Variants in ZNF723 observed in about 807,000 individuals in gnomAD.
ZNF723 encodes zinc finger protein 723, also known as zinc finger protein 723, pseudogene.
Under a neutral mutation model 9.4 loss-of-function variants are expected in ZNF723, and 5 were observed. The observed-to-expected ratio is 0.53, with a 90% CI of 0.28 to 1.12. The LOEUF (loss-of-function observed/expected upper bound fraction) is 1.12, where lower values mean the gene tolerates loss of function less well. Ranked by LOEUF, ZNF723 falls within the 50% of genes most tolerant of loss-of-function variation. The probability of loss-of-function intolerance (pLI) is 0.10; values close to 1 mark genes in which losing one functional copy is unlikely to be tolerated. For missense variants in ZNF723, 450 were observed against 501.5 expected (o/e 0.90, Z 0.98); for synonymous variants, 158 against 168.8 (o/e 0.94, Z 0.49).
intron 3 of ZNF723, among the ~76,000 whole-genome samples, chr19:22,854,193 A>G (rs1967438423): frequency 6.6e-6 from 1 of 152,120 alleles, no homozygotes; most frequent in African/African-American, 2.4e-5. Flanking sequence ...TGTTTACACT[A>G]AATGACTCTA....
chr19:22,814,882 C>G, the ZNF723 span, among the ~76,000 whole-genome samples: 1 of 152,178 alleles, frequency 6.6e-6, no homozygotes, highest in South Asian at 2.1e-4. Context: ...GGCCCTAGAA[C>G]CCAGGTGAAG....
chr19:22,858,573 A>G lies in ZNF723; in HGVS notation c.*140A>G, dbSNP rs1367429610. 6 of 509,304 alleles carry G rather than the reference A, an allele frequency of 1.2e-5. No homozygotes were observed. The highest frequency in any genetic ancestry group is 3.7e-5 in the South Asian group (1 of 27,282). The allele number at this position is 509,304 out of a possible 1,614,324, so 31.5% of individuals were successfully genotyped here. A position where few individuals can be genotyped will look rare whatever the true frequency, so the allele number is the denominator to read the frequency against. On this transcript the variant is annotated 3_prime_UTR_variant, in exon 4 of 4. Transcript: ENST00000600766. ...ACCTGAGGTCAGGAGTTCGAGACCAACCTAACATGGTGAAACAACGTCTCT... is the reference window on the plus strand; with the variant it reads ...ACCTGAGGTCAGGAGTTCGAGACCAGCCTAACATGGTGAAACAACGTCTCT...
intron 2 of ZNF723, 65 bp from the exon 3 acceptor site, chr19:22,849,133 C>T: frequency 2.0e-6 from 1 of 488,976 alleles, no homozygotes. Flanking sequence ...ATTATGTTCT[C>T]TTTACTGAGC....
the ZNF723 span, among the ~76,000 whole-genome samples, chr19:22,826,080 T>G: frequency 6.6e-6 from 1 of 152,198 alleles, no homozygotes; most frequent in Non-Finnish European, 1.5e-5. Context: ...ACAGGAAAGC[T>G]TGGATCATAT....
At chr19:22,828,392 C>T (rs749107955), upstream of ZNF723, among the ~76,000 whole-genome samples, 3 of 152,276 alleles carry the variant, frequency 2.0e-5, no homozygotes, top group South Asian at 2.1e-4. Flanking sequence ...TGGTGGCTCA[C>T]GTCTGTAATC....
intron 3 of ZNF723, among the ~76,000 whole-genome samples, chr19:22,851,097 C>T (rs1328122312): frequency 6.6e-6 from 1 of 152,020 alleles, no homozygotes; most frequent in Non-Finnish European, 1.5e-5. Context: ...GGGTTTTATG[C>T]ACCATCATTA....
the ZNF723 span, among the ~76,000 whole-genome samples, chr19:22,817,102 A>G: frequency 6.6e-6 from 1 of 152,234 alleles, no homozygotes; most frequent in Admixed American, 6.5e-5. Flanking sequence ...ATTTGAAAAT[A>G]TGGCTGAATC....
Position 22,832,367 on chromosome 19 carries a change from T to G in ZNF723, c.-13T>G. ...CCACAGCTAAGACGCCAGGACTCCC[T>G]GGAAGCCTAGAAATGGTGAGAGTAC... On this transcript the variant is annotated 5_prime_UTR_variant, in exon 1 of 4. Transcript: ENST00000600766. The G allele has an allele frequency of 7.2e-7, 1 of 1,380,254 alleles. No homozygotes were observed. The highest frequency in any genetic ancestry group is 1.0e-6 in the Non-Finnish European group (1 of 985,214). The allele number at this position is 1,380,254 out of a possible 1,614,324, so 85.5% of individuals were successfully genotyped here.
intron 2 of ZNF723, 57 bp downstream of exon 2, chr19:22,848,444 GT>G: frequency 8.2e-7 from 1 of 1,216,554 alleles, no homozygotes; most frequent in Non-Finnish European, 1.2e-6. Context: ...TTTTTTTGGT[GT>G]TGTAGAATGT....
chr19:22,858,345 A>C lies in ZNF723; in HGVS notation c.1454A>C (p.Glu485Ala). The change falls in exon 4 of 4, where the codon GAA becomes GCA. Residue 485 changes from glutamate (E) to alanine (A), a missense_variant. This residue lies in a region of ZNF723 where 43 missense variants were observed against 22.2 expected (regional missense o/e 1.94). Transcript: ENST00000600766. ...AGAGAGAAGCCTTACAAATGTGAAG[A>C]ATGTGGCAAAGCCTTTAACAAGTCC... ...HAREKPYKCE[E>A]CGKAFNKSSI... 9.5e-7 allele frequency: 1 copy of C among 1,057,098 alleles called. No individual in the cohort carries two copies. 65.5% of individuals were successfully genotyped at this position (1,057,098 alleles called of 1,614,324 possible).
At chr19:22,838,135 C>T (rs1047250044) in intron 1 of ZNF723, among the ~76,000 whole-genome samples, 2 of 152,190 alleles carry the variant, frequency 1.3e-5, no homozygotes, top group African/African-American at 4.8e-5. Flanking sequence ...CTAAGCATAA[C>T]ACCAAACAGA....
chr19:22,828,728 A>G (rs1017031273), upstream of ZNF723, among the ~76,000 whole-genome samples: 5 of 152,296 alleles, frequency 3.3e-5, no homozygotes, highest in East Asian at 1.9e-4. Flanking sequence ...AAACAGACCA[A>G]ACCAAACCAA....
At chr19:22,833,979 T>C (rs1319622383) in intron 1 of ZNF723, among the ~76,000 whole-genome samples, 2 of 139,506 alleles carry the variant, frequency 1.4e-5, no homozygotes, top group Non-Finnish European at 3.0e-5. Context: ...CAGGCTGGAG[T>C]ACTGTGGCTC....
the ZNF723 span, among the ~76,000 whole-genome samples, chr19:22,817,252 T>A: frequency 5.9e-5 from 9 of 152,336 alleles, no homozygotes; most frequent in South Asian, 1.9e-3. Context: ...GAAATATCAC[T>A]GGACCCGGCA....
rs760924027 is a variant in ZNF723, at chr19:22,846,813, C to CTTTTTTT, written c.4-1426_4-1420dup. On this transcript the variant is annotated intron_variant, in intron 1 of 3. Transcript: ENST00000600766. ...ATGGTTGCATTCAGCCTATAATTTC[C>CTTTTTTT]TTTTTTTTTTTTTTTTTTTTTTTTT... 1.1e-3 allele frequency among the ~76,000 whole-genome samples: 73 copies of CTTTTTTT among 69,136 alleles called. 9 individuals are homozygous for CTTTTTTT. Among genetic ancestry groups the CTTTTTTT allele is most frequent in the East Asian group, 2.9e-3 (6 of 2,038 alleles). 45.4% of individuals were successfully genotyped at this position (69,136 alleles called of 152,430 possible).
chr19:22,851,343 T>C (rs1427205986), intron 3 of ZNF723, among the ~76,000 whole-genome samples: 1 of 152,018 alleles, frequency 6.6e-6, no homozygotes, highest in Non-Finnish European at 1.5e-5. Flanking sequence ...AACTAATTTT[T>C]CTATTTTTAG....
At chr19:22,837,969 A>G (rs1967188452) in intron 1 of ZNF723, among the ~76,000 whole-genome samples, 1 of 152,176 alleles carries the variant, frequency 6.6e-6, no homozygotes, top group Non-Finnish European at 1.5e-5. Context: ...AGAAATAAGT[A>G]GCACAAGCCA....
the ZNF723 span, among the ~76,000 whole-genome samples, chr19:22,820,473 T>C: frequency 1.3e-5 from 2 of 152,114 alleles, no homozygotes; most frequent in Non-Finnish European, 2.9e-5. Flanking sequence ...TATTATAATA[T>C]ATTCCTGACT....
Position 22,832,323 on chromosome 19 carries a change from C to T in ZNF723, c.-57C>T. 1 of 1,358,246 alleles carries T rather than the reference C, an allele frequency of 7.4e-7. No individual in the cohort carries two copies. Among genetic ancestry groups the T allele is most frequent in the East Asian group, 2.7e-5 (1 of 37,060 alleles). The allele number at this position is 1,358,246 out of a possible 1,614,324, so 84.1% of individuals were successfully genotyped here. A position where few individuals can be genotyped will look rare whatever the true frequency, so the allele number is the denominator to read the frequency against. ...GTTCCTGGTCTCTGTGGCCTCCTGA[C>T]CTACATGCATTGGGAGATCCACAGC... On this transcript the variant is annotated 5_prime_UTR_variant, in exon 1 of 4. Transcript: ENST00000600766.
Sources: allele counts gnomAD v4.1 joint callset (sites outside exome capture counted in the v4.1 genomes callset), GRCh38; gene constraint gnomAD v4.1.1; regional missense constraint gnomAD v4.1.1; transcripts MANE v1.5; gene names NCBI Gene and HGNC (gene_info 2026-07-23, HGNC 2026-07-21).